The following CLCN5 variants were observed in gnomAD, a reference collection of about 807,000 sequenced individuals.
CLCN5 encodes Cl-/H+ antiporter 5.
Under a neutral mutation model 54.0 loss-of-function variants are expected in CLCN5, and 17 were observed. The ratio of observed to expected loss-of-function variants is 0.31; its 90% CI spans 0.22 to 0.47. CLCN5 has a LOEUF of 0.47. Among genes scored for constraint, CLCN5 ranks in the 20% least tolerant of loss-of-function variants. The pLI is 1.00. For missense variants in CLCN5, 448 were observed against 646.7 expected (o/e 0.69, Z 3.33); for synonymous variants, 222 against 233.0 (o/e 0.95, Z 0.43).
chrX:50,070,059 T>A, intron 5 of CLCN5, 29 bp downstream of exon 5: 1 of 1,169,245 alleles, frequency 8.6e-7, no homozygotes, highest in Non-Finnish European at 1.2e-6. Flanking sequence ...CATGGGTAAG[T>A]GTTAGGAAAT....
At chrX:50,060,207 G>T (rs377213648) in intron 4 of CLCN5, among the ~76,000 whole-genome samples, 3 of 110,498 alleles carry the variant, frequency 2.7e-5, no homozygotes, top group South Asian at 4.0e-4. Flanking sequence ...CGTGAGCGAC[G>T]CAGAAGACGG....
intron 3 of CLCN5, among the ~76,000 whole-genome samples, chrX:49,944,718 G>A (rs782018046): frequency 2.8e-3 from 311 of 111,648 alleles, no homozygotes; most frequent in Non-Finnish European, 5.2e-3. Flanking sequence ...ATTGATTTGC[G>A]TATGTTGAAC....
In CLCN5 at chrX:50,086,850, A is replaced by G. The variant is rs1210108844; in HGVS notation, c.1537A>G (p.Ile513Val). The G allele has an allele frequency of 9.1e-6, 11 of 1,209,000 alleles. No individual in the cohort carries two copies. The highest frequency in any genetic ancestry group is 5.9e-5 in the East Asian group (2 of 33,738). ...LTLILKIVIT[I>V]FTFGMKIPSG... The stretch of plus-strand genomic sequence containing the variant: ...ACTCATACTGAAAATTGTCATTACT[A>G]TATTCACCTTTGGCATGAAGGTGAG... Residue 513 changes from isoleucine (I) to valine (V), a missense_variant, in exon 11 of 15, where the codon ATA (isoleucine) becomes GTA (valine). Physicochemically the swap from Ile to Val is conservative, Grantham distance 29 (BLOSUM62 3). Around this residue, in one of 5 missense-constraint regions of CLCN5, gnomAD observed 297 missense variants for 470.4 expected, o/e 0.63. Transcript: ENST00000376091.
chrX:49,972,149 G>GTT (rs1928253968), intron 3 of CLCN5, among the ~76,000 whole-genome samples: 1 of 102,844 alleles, frequency 9.7e-6, no homozygotes. Context: ...GTGTGTGTGT[G>GTT]TGTGTGTGTG....
At chrX:50,042,209 C>G (rs782316781) in intron 3 of CLCN5, 107 bp from the exon 4 acceptor site, 1 of 342,640 alleles carries the variant, frequency 2.9e-6, no homozygotes, top group Non-Finnish European at 5.1e-6. Context: ...AGTAAGTGTA[C>G]TCAATGCTAC....
In CLCN5 at chrX:50,084,997, G is replaced by T. The variant is rs1324044584; in HGVS notation, c.934-983G>T. 3.0e-4 allele frequency among the ~76,000 whole-genome samples: 33 copies of T among 111,617 alleles called. No individual in the cohort carries two copies. The Admixed American group carries it at 3.1e-3, about 11-fold the overall frequency. ...CTTAAATGAAAGCCATTGTAGCTAGGAATTTCAAAGCCCTTCCAGCTAGCA... is the reference window on the plus strand; with the variant it reads ...CTTAAATGAAAGCCATTGTAGCTAGTAATTTCAAAGCCCTTCCAGCTAGCA... On this transcript the variant is annotated intron_variant, in intron 9 of 14. Transcript: ENST00000376091.
chrX:50,042,395 C>T lies in CLCN5; in HGVS notation c.96C>T (p.Asp32=). ...QNSSSDEDLM[D]IPATAMDFSM... ...GCTCCAGTGATGAAGACCTGATGGA[C>T]ATTCCAGCAACCGCTATGGATTTCT... The change falls in exon 4 of 15, where the codon GAC becomes GAT. Residue 32 remains aspartate, a synonymous_variant. Transcript: ENST00000376091. The T allele has an allele frequency of 1.7e-6, 2 of 1,163,027 alleles. No homozygotes were observed. The highest frequency in any genetic ancestry group is 2.3e-6 in the Non-Finnish European group (2 of 867,959).
At chrX:50,084,154 T>C (rs988215657) in intron 9 of CLCN5, among the ~76,000 whole-genome samples, 1 of 112,081 alleles carries the variant, frequency 8.9e-6, no homozygotes, top group Non-Finnish European at 1.9e-5. Context: ...CTAGGCTTTA[T>C]GATATAGCCT....
At position 50,048,012 on chromosome X, in the gene CLCN5, G is replaced by A. The variant is rs184730972; in HGVS notation, c.163+5550G>A. On this transcript the variant is annotated intron_variant, in intron 4 of 14. Coordinates refer to ENST00000376091, the MANE Select transcript of CLCN5 (RefSeq NM_001127898.4). ...GTACTCTTCGGAAGGAAGTCACTGC[G>A]TAGAACAGCGGTCCACAACATTTTT... 1.1e-4 allele frequency among the ~76,000 whole-genome samples: 12 copies of A among 111,939 alleles called. No homozygotes were observed. The East Asian group carries it at 1.1e-3, about 10-fold the overall frequency.
In CLCN5 at chrX:49,947,198, T is replaced by C. The variant is rs1443894642; in HGVS notation, c.16+21884T>C. Reference sequence around the variant, plus strand: ...CTGCTCTAACAGCTGTGACTCTAACTTTACTGTCATCCACCAAATGTTTTT... The same window carrying C: ...CTGCTCTAACAGCTGTGACTCTAACCTTACTGTCATCCACCAAATGTTTTT... On this transcript the variant is annotated intron_variant, in intron 3 of 14. Transcript: ENST00000376091. Among the ~76,000 whole-genome samples the C allele has an allele frequency of 2.7e-5, 3 of 111,742 alleles. No homozygotes were observed. In the Admixed American group the frequency reaches 2.9e-4, roughly 11 times the overall value.
chrX:49,996,462 A>G (rs782073219), intron 3 of CLCN5, among the ~76,000 whole-genome samples: 5 of 111,984 alleles, frequency 4.5e-5, no homozygotes, highest in African/African-American at 6.5e-5. Context: ...TCTCCAACTT[A>G]TAAAACTTTG....
At chrX:50,040,987 C>T (rs1477842812) in intron 3 of CLCN5, among the ~76,000 whole-genome samples, 1 of 112,319 alleles carries the variant, frequency 8.9e-6, no homozygotes, top group Non-Finnish European at 1.9e-5. Flanking sequence ...GTTTCCTTAT[C>T]TACACTAGGA....
At chrX:49,934,723 C>T (rs937713778) in intron 3 of CLCN5, among the ~76,000 whole-genome samples, 2 of 111,843 alleles carry the variant, frequency 1.8e-5, no homozygotes, top group East Asian at 2.8e-4. Context: ...GAAATGAAAT[C>T]GATATTACTA....
At chrX:49,965,891 T>C (rs1323127378) in intron 3 of CLCN5, among the ~76,000 whole-genome samples, 9 of 112,301 alleles carry the variant, frequency 8.0e-5, no homozygotes, top group Non-Finnish European at 1.5e-4. Context: ...TAATAGTCTT[T>C]TAATATGGCT....
At chrX:50,007,087 CTT>C (rs1930186144) in intron 3 of CLCN5, among the ~76,000 whole-genome samples, 1 of 111,851 alleles carries the variant, frequency 8.9e-6, no homozygotes, top group Non-Finnish European at 1.9e-5. Flanking sequence ...ACTCTACTCT[CTT>C]TGCCCTCCCA....
chrX:49,953,339 T>A (rs1473721166), intron 3 of CLCN5, among the ~76,000 whole-genome samples: 1 of 112,103 alleles, frequency 8.9e-6, no homozygotes, highest in Non-Finnish European at 1.9e-5. Flanking sequence ...GAGGTCTCAC[T>A]CTGTCGCCCA....
intron 3 of CLCN5, among the ~76,000 whole-genome samples, chrX:49,936,457 G>C (rs1488882452): frequency 3.6e-5 from 4 of 111,883 alleles, no homozygotes; most frequent in African/African-American, 1.3e-4. Context: ...TTTAGGAGCT[G>C]GGTTAATACT....
intron 3 of CLCN5, among the ~76,000 whole-genome samples, chrX:49,940,134 G>A (rs782773948): frequency 9.0e-6 from 1 of 111,543 alleles, no homozygotes; most frequent in East Asian, 2.8e-4. Flanking sequence ...ATTTTGTAAC[G>A]TGTTAAATGG....
At chrX:50,078,639 A>AT (rs782499548) in intron 7 of CLCN5, among the ~76,000 whole-genome samples, 2 of 112,524 alleles carry the variant, frequency 1.8e-5, no homozygotes, top group Non-Finnish European at 3.8e-5. Flanking sequence ...CACAGTCAAG[A>AT]TTTAGAACTG....
Sources: gnomAD v4.1 joint callset for allele counts (sites outside exome capture counted in the v4.1 genomes callset) on GRCh38, gnomAD v4.1.1 for gene constraint, gnomAD v4.1.1 regional missense constraint, MANE v1.5 for transcripts, NCBI Gene and HGNC (gene_info 2026-07-23, HGNC 2026-07-21) for gene names.